The following PDE3A variants were observed in gnomAD, a reference collection of about 807,000 sequenced individuals.
PDE3A encodes cGMP-inhibited 3',5'-cyclic phosphodiesterase 3A.
A neutral mutation model predicts 98.3 loss-of-function variants in PDE3A; 43 were observed. That is an observed-to-expected ratio of 0.44 (90% CI 0.34 to 0.56). PDE3A has a LOEUF of 0.56. PDE3A is among the 20% of genes least tolerant of loss of function. The pLI is 0.01. For missense variants in PDE3A, 1,427 were observed against 1,440.7 expected (o/e 0.99, Z 0.15); for synonymous variants, 663 against 567.9 (o/e 1.17, Z -2.38).
At chr12:20,407,923 T>C (rs1944262008) in intron 1 of PDE3A, among the ~76,000 whole-genome samples, 1 of 152,048 alleles carries the variant, frequency 6.6e-6, no homozygotes, top group South Asian at 2.1e-4. Flanking sequence ...CTATTTTTAT[T>C]TATTTATTTA....
At chr12:20,373,545 C>T (rs1179301597) in intron 1 of PDE3A, among the ~76,000 whole-genome samples, 1 of 152,062 alleles carries the variant, frequency 6.6e-6, no homozygotes, top group East Asian at 1.9e-4. Flanking sequence ...ATTGGCTGCT[C>T]ATTCTTCTCT....
intron 1 of PDE3A, among the ~76,000 whole-genome samples, chr12:20,541,546 T>G (rs1317322573): frequency 1.3e-5 from 2 of 152,134 alleles, no homozygotes; most frequent in African/African-American, 4.8e-5. Flanking sequence ...TAATTATTTC[T>G]GCACCTGCAA....
chr12:20,666,887 C>A (rs748432221), intron 15 of PDE3A, among the ~76,000 whole-genome samples: 22 of 152,128 alleles, frequency 1.4e-4, no homozygotes, highest in Admixed American at 6.5e-4. Context: ...AACTTATATA[C>A]CTACAAACAG....
chr12:20,554,306 A>G (rs906944097), intron 1 of PDE3A, among the ~76,000 whole-genome samples: 2 of 151,358 alleles, frequency 1.3e-5, no homozygotes, highest in Non-Finnish European at 2.9e-5. Context: ...CTTTTTCTAA[A>G]GTCCAGTACT....
At chr12:20,669,335 G>A (rs947432891) in intron 15 of PDE3A, among the ~76,000 whole-genome samples, 5 of 152,038 alleles carry the variant, frequency 3.3e-5, no homozygotes, top group African/African-American at 1.2e-4. Flanking sequence ...TTCAGATTCA[G>A]GAAATACAGA....
intron 15 of PDE3A, among the ~76,000 whole-genome samples, chr12:20,672,998 T>C (rs1945530390): frequency 2.0e-5 from 3 of 151,108 alleles, no homozygotes; most frequent in African/African-American, 4.9e-5. Context: ...CATACAAATT[T>C]ACAAGAAAAA....
At chr12:20,501,302 A>G (rs1946020779) in intron 1 of PDE3A, among the ~76,000 whole-genome samples, 1 of 152,208 alleles carries the variant, frequency 6.6e-6, no homozygotes, top group Non-Finnish European at 1.5e-5. Context: ...TATTTTCTTC[A>G]TCTTTGTAAA....
intron 1 of PDE3A, among the ~76,000 whole-genome samples, chr12:20,398,204 A>G (rs549019870): frequency 6.6e-6 from 1 of 152,078 alleles, no homozygotes; most frequent in East Asian, 1.9e-4. Context: ...ATTGGCGGGA[A>G]AAAGAAGGGT....
At chr12:20,571,778 C>T (rs1373177633) in intron 2 of PDE3A, 13 of 243,408 alleles carry the variant, frequency 5.3e-5, no homozygotes, top group Admixed American at 3.3e-4. Flanking sequence ...ACACATTTTA[C>T]ATCCATAATG....
At chr12:20,483,931 A>G (rs1945676417) in intron 1 of PDE3A, among the ~76,000 whole-genome samples, 1 of 152,234 alleles carries the variant, frequency 6.6e-6, no homozygotes, top group Non-Finnish European at 1.5e-5. Flanking sequence ...AGACTTGTCT[A>G]TAGGGCTCTG....
intron 2 of PDE3A, among the ~76,000 whole-genome samples, chr12:20,609,438 A>G (rs557782042): frequency 6.6e-6 from 1 of 152,046 alleles, no homozygotes; most frequent in Non-Finnish European, 1.5e-5. Flanking sequence ...AAAATATTCC[A>G]TTACTCAATC....
At chr12:20,667,718 T>C (rs1945351907) in intron 15 of PDE3A, among the ~76,000 whole-genome samples, 1 of 152,220 alleles carries the variant, frequency 6.6e-6, no homozygotes, top group Non-Finnish European at 1.5e-5. Context: ...TCCATCTTTG[T>C]TCTTTTCGTT....
chr12:20,560,533 A>T (rs1022325925), intron 2 of PDE3A, among the ~76,000 whole-genome samples: 1 of 152,232 alleles, frequency 6.6e-6, no homozygotes, highest in African/African-American at 2.4e-5. Flanking sequence ...GGAAAGAAGA[A>T]TATAGAAGAG....
rs1945741676 is a variant in PDE3A, at chr12:20,680,209, G to A, written c.3364G>A (p.Glu1122Lys). The change falls in exon 16 of 16, where the codon GAA becomes AAA. Residue 1122 changes from glutamate to lysine, a missense_variant. Physicochemically the swap from Glu to Lys is moderately conservative, Grantham distance 56. Coordinates refer to ENST00000359062, the MANE Select transcript of PDE3A (RefSeq NM_000921.5). ...AGAACAGATCCAGGCTATCAAGGAA[G>A]AAGAAGAAGAGAAAGGGAAACCAAG... ...SSEQIQAIKEEEEEKGKPRGE... is the reference protein window; with the variant it reads ...SSEQIQAIKEKEEEKGKPRGE... The A allele has an allele frequency of 1.2e-6, 2 of 1,613,842 alleles. No individual in the cohort carries two copies. Among genetic ancestry groups the A allele is most frequent in the South Asian group, 2.2e-5 (2 of 91,078 alleles).
intron 1 of PDE3A, among the ~76,000 whole-genome samples, chr12:20,429,905 C>T (rs1316191982): frequency 6.6e-6 from 1 of 151,946 alleles, no homozygotes; most frequent in African/African-American, 2.4e-5. Flanking sequence ...ACCCAAATGC[C>T]AACATCTGCT....
chr12:20,533,388 C>G (rs1287307253), intron 1 of PDE3A, among the ~76,000 whole-genome samples: 1 of 151,838 alleles, frequency 6.6e-6, no homozygotes, highest in African/African-American at 2.4e-5. Context: ...TATCTCTTGC[C>G]TGGATTATAG....
chr12:20,522,456 A>T (rs1382648897), intron 1 of PDE3A, among the ~76,000 whole-genome samples: 1 of 152,198 alleles, frequency 6.6e-6, no homozygotes, highest in South Asian at 2.1e-4. Context: ...TAATTAACTG[A>T]TGATTATTAA....
chr12:20,657,516 G>T (rs1450734521), intron 15 of PDE3A, among the ~76,000 whole-genome samples: 1 of 152,186 alleles, frequency 6.6e-6, no homozygotes, highest in Non-Finnish European at 1.5e-5. Flanking sequence ...CCTAGGAAAA[G>T]AAGGTTTTTA....
At chr12:20,446,441 T>C (rs1050692971) in intron 1 of PDE3A, among the ~76,000 whole-genome samples, 1 of 152,172 alleles carries the variant, frequency 6.6e-6, no homozygotes, top group African/African-American at 2.4e-5. Flanking sequence ...AAGCCAACAG[T>C]TGGCGAGAAG....
Sources: gnomAD v4.1 joint callset for allele counts (sites outside exome capture counted in the v4.1 genomes callset) on GRCh38, gnomAD v4.1.1 for gene constraint, MANE v1.5 for transcripts, NCBI Gene and HGNC (gene_info 2026-07-23, HGNC 2026-07-21) for gene names.